UBA2: variants seen among roughly 807,000 people sequenced by gnomAD.
The protein encoded by UBA2 is ubiquitin like modifier activating enzyme 2.
Under a neutral mutation model 77.2 loss-of-function variants are expected in UBA2, and 11 were observed. That is an observed-to-expected ratio of 0.14 (90% CI 0.09 to 0.24). The LOEUF (loss-of-function observed/expected upper bound fraction) is 0.24. Ranked by LOEUF, UBA2 falls within the 10% of genes least tolerant of loss-of-function variation. UBA2 has a pLI of 1.00. For synonymous variants in UBA2, 278 were observed against 276.7 expected, an observed-to-expected ratio of 1.00 and a Z score of -0.05; for missense variants, 487 against 781.7, an observed-to-expected ratio of 0.62 and a Z score of 4.50.
Position 34,429,153 on chromosome 19 carries a change from T to TA in UBA2, c.138+584dup, listed in dbSNP as rs1196699788. The TA allele has an allele frequency of 4.1e-6, 4 of 984,592 alleles. No individual in the cohort carries two copies. The Admixed American group carries it at 2.5e-4, about 61-fold the overall frequency. The allele number at this position is 984,592 out of a possible 1,614,324, so 61.0% of individuals were successfully genotyped here. On this transcript the variant is annotated intron_variant, in intron 1 of 16. Coordinates refer to ENST00000246548, the MANE Select transcript of UBA2 (RefSeq NM_005499.3). ...GGAGACGCAATGGGGTTGAGTAACT[T>TA]ACCCTGGGTCACGGAGCGAGTGGCA...
intron 5 of UBA2, among the ~76,000 whole-genome samples, chr19:34,437,348 G>A (rs188399180): frequency 1.7e-3 from 258 of 150,216 alleles, no homozygotes; most frequent in Non-Finnish European, 3.2e-3. Flanking sequence ...GGTGGCTTAC[G>A]CCTGTAATCC....
At chr19:34,460,350 G>A (rs1177585571) in intron 13 of UBA2, 120 bp from the exon 14 acceptor site, 4 of 692,026 alleles carry the variant, frequency 5.8e-6, no homozygotes, top group African/African-American at 1.8e-5. Context: ...CTTGAAGAGT[G>A]ACTTCGCCGG....
At chr19:34,467,605 T>C (rs1047027447) in intron 16 of UBA2, among the ~76,000 whole-genome samples, 8 of 152,106 alleles carry the variant, frequency 5.3e-5, no homozygotes, top group South Asian at 2.1e-4. Flanking sequence ...GGAAATCCCA[T>C]CTGTACTAAA....
intron 8 of UBA2, among the ~76,000 whole-genome samples, chr19:34,448,996 C>T (rs1007494419): frequency 6.6e-6 from 1 of 151,618 alleles, no homozygotes; most frequent in Non-Finnish European, 1.5e-5. Context: ...ATCTCCTTGC[C>T]TTTGTACCCA....
chr19:34,450,208 T>C, intron 8 of UBA2, 57 bp from the exon 9 acceptor site: 1 of 1,239,476 alleles, frequency 8.1e-7, no homozygotes. Context: ...TGACGTTTTC[T>C]TGTATCTTAT....
chr19:34,429,363 G>A, intron 1 of UBA2: 1 of 612,774 alleles, frequency 1.6e-6, no homozygotes, highest in Non-Finnish European at 2.0e-6. Flanking sequence ...GCCCTTCGGT[G>A]TGAGTTTAAA....
intron 15 of UBA2, among the ~76,000 whole-genome samples, chr19:34,466,519 T>G (rs1419041988): frequency 1.3e-5 from 2 of 152,244 alleles, no homozygotes; most frequent in Admixed American, 1.3e-4. Context: ...TGCCCTGATT[T>G]GAAAGTGCAT....
chr19:34,468,757 C>T (rs2075712202), intron 16 of UBA2, among the ~76,000 whole-genome samples: 1 of 152,198 alleles, frequency 6.6e-6, no homozygotes, highest in Non-Finnish European at 1.5e-5. Flanking sequence ...GTACCCTCTG[C>T]TTTTCTATTG....
At chr19:34,452,360 A>G (rs569736203) in intron 10 of UBA2, among the ~76,000 whole-genome samples, 8 of 152,226 alleles carry the variant, frequency 5.3e-5, no homozygotes, top group African/African-American at 1.9e-4. Flanking sequence ...TTGGGATTCT[A>G]GTGATGTGTT....
At chr19:34,450,659 G>C (rs1286973358) in intron 9 of UBA2, among the ~76,000 whole-genome samples, 1 of 146,858 alleles carries the variant, frequency 6.8e-6, no homozygotes, top group African/African-American at 2.5e-5. Context: ...AGTCAGTATA[G>C]TTAACTAGTC....
Position 34,469,157 on chromosome 19 carries a change from T to G in UBA2, c.1859T>G (p.Leu620Arg), listed in dbSNP as rs766139489. The change falls in exon 17 of 17, where the codon CTC (leucine) becomes CGC (arginine). Residue 620 changes from leucine (L) to arginine (R), a missense_variant. Physicochemically the swap from Leu to Arg is moderately radical, Grantham distance 102. Coordinates refer to ENST00000246548, the MANE Select transcript of UBA2 (RefSeq NM_005499.3). Reference protein sequence around the residue: ...RKRKLDEKENLSAKRSRIEQK... With the variant: ...RKRKLDEKENRSAKRSRIEQK... ...AGGAAATTAGATGAGAAAGAGAATC[T>G]CAGTGCAAAGAGGTCACGTATAGAA... 6.2e-7 allele frequency: 1 copy of G among 1,613,514 alleles called. No individual in the cohort carries two copies. Among genetic ancestry groups the G allele is most frequent in the Non-Finnish European group, 8.5e-7 (1 of 1,179,758 alleles).
chr19:34,466,750 T>TAA, intron 15 of UBA2, 128 bp from the exon 16 acceptor site: 4 of 656,104 alleles, frequency 6.1e-6, no homozygotes, highest in Non-Finnish European at 9.3e-6. Context: ...AAATAAAAAT[T>TAA]AAAAAAAAAA....
At position 34,428,418 on chromosome 19, in the gene UBA2, C is replaced by T. The variant is rs1185605564; in HGVS notation, c.-15C>T. ...TCCCGCCTCCGCCTCCGCCGCGGCT[C>T]GTGGTTGTCCCGCCATGGCACTGTC... On this transcript the variant is annotated 5_prime_UTR_variant, in exon 1 of 17. Transcript: ENST00000246548. The T allele has an allele frequency of 2.4e-5, 30 of 1,251,096 alleles. No homozygotes were observed. Among genetic ancestry groups the T allele is most frequent in the Admixed American group, 4.0e-5 (1 of 25,146 alleles). 77.5% of individuals were successfully genotyped at this position (1,251,096 alleles called of 1,614,324 possible).
intron 5 of UBA2, among the ~76,000 whole-genome samples, chr19:34,436,519 C>A (rs2075310604): frequency 6.6e-6 from 1 of 152,060 alleles, no homozygotes; most frequent in African/African-American, 2.4e-5. Flanking sequence ...GGCTGGTCTT[C>A]AACTCCTGAC....
At chr19:34,444,187 A>C (rs556556077) in intron 7 of UBA2, among the ~76,000 whole-genome samples, 1 of 150,824 alleles carries the variant, frequency 6.6e-6, no homozygotes, top group East Asian at 2.0e-4. Context: ...GCTCCTGAGT[A>C]GCTGGGATTA....
rs532335121 is a variant in UBA2, at chr19:34,442,037, G to A, written c.582-1807G>A. Among the ~76,000 whole-genome samples the A allele has an allele frequency of 9.9e-5, 15 of 151,870 alleles. No homozygotes were observed. The South Asian group carries it at 3.1e-3, about 32-fold the overall frequency. ...ATTGCTTGAGCCCAGCAGTTTGAGA[G>A]CAGTGTGGGCAACATAGTGAAACCC... On this transcript the variant is annotated intron_variant, in intron 6 of 16. Transcript: ENST00000246548.
chr19:34,446,001 C>T (rs188579382), intron 8 of UBA2, among the ~76,000 whole-genome samples: 70 of 152,098 alleles, frequency 4.6e-4, no homozygotes, highest in Admixed American at 3.5e-3. Flanking sequence ...GCAAGTTGTA[C>T]GTGTGTGGGG....
rs114319045 is a variant in UBA2, at chr19:34,463,558, C to G, written c.1499-468C>G. 6.3e-3 allele frequency among the ~76,000 whole-genome samples: 895 copies of G among 142,544 alleles called. 9 individuals carry two copies. The highest frequency in any genetic ancestry group is 0.022 in the African/African-American group (866 of 39,610). 93.5% of individuals were successfully genotyped at this position (142,544 alleles called of 152,430 possible). On this transcript the variant is annotated intron_variant, in intron 14 of 16. Coordinates refer to ENST00000246548, the MANE Select transcript of UBA2 (RefSeq NM_005499.3). ...CTCTAGGGGTGCACATCCCTGATGT[C>G]TCTGTCCAGATTTTGGGATTGATTG... is the stretch of plus-strand genomic sequence containing the variant.
chr19:34,430,733 T>C, intron 2 of UBA2, 74 bp downstream of exon 2: 2 of 1,213,494 alleles, frequency 1.6e-6, no homozygotes, highest in Non-Finnish European at 2.4e-6. Flanking sequence ...ATCCTGCCTG[T>C]CATATAGGAG....
Sources: gnomAD v4.1 joint callset for allele counts (sites outside exome capture counted in the v4.1 genomes callset) on GRCh38, gnomAD v4.1.1 for gene constraint, MANE v1.5 for transcripts, NCBI Gene and HGNC (gene_info 2026-07-23, HGNC 2026-07-21) for gene names.